The following GLRA2 variants were observed in gnomAD, a reference collection of about 807,000 sequenced individuals.
The protein encoded by GLRA2 is glycine receptor subunit alpha-2.
In GLRA2, 11 loss-of-function variants were observed where a neutral mutation model predicts 31.6. The observed-to-expected ratio is 0.35, with a 90% CI of 0.22 to 0.58. The LOEUF (loss-of-function observed/expected upper bound fraction) is 0.58, where lower values mean the gene tolerates loss of function less well. GLRA2 is among the 20% of genes least tolerant of loss of function. The pLI is 0.84. For synonymous variants in GLRA2, 132 were observed against 134.0 expected, an observed-to-expected ratio of 0.99 and a Z score of 0.10; for missense variants, 212 against 351.8, an observed-to-expected ratio of 0.60 and a Z score of 3.18.
intron 7 of GLRA2, among the ~76,000 whole-genome samples, chrX:14,634,022 C>T (rs2090681857): frequency 8.9e-6 from 1 of 111,769 alleles, no homozygotes; most frequent in Non-Finnish European, 1.9e-5. Context: ...GATCTTGGCT[C>T]ACTGCAACCT....
chrX:14,495,965 A>G, the GLRA2 span, among the ~76,000 whole-genome samples: 4 of 111,401 alleles, frequency 3.6e-5, no homozygotes, highest in African/African-American at 1.3e-4. Flanking sequence ...CAGATAATCC[A>G]AGAGAATTGT....
At chrX:14,561,397 C>G (rs1196764922) in intron 2 of GLRA2, among the ~76,000 whole-genome samples, 1 of 112,457 alleles carries the variant, frequency 8.9e-6, no homozygotes, top group Non-Finnish European at 1.9e-5. Flanking sequence ...GCAAAGTTGG[C>G]TTACAGACCG....
chrX:14,665,575 G>T (rs925515265), intron 7 of GLRA2, among the ~76,000 whole-genome samples: 1 of 111,569 alleles, frequency 9.0e-6, no homozygotes, highest in Non-Finnish European at 1.9e-5. Context: ...TGGTGGAGGG[G>T]ATGTATAGTC....
chrX:14,711,943 C>T (rs1381867209), intron 8 of GLRA2, among the ~76,000 whole-genome samples: 1 of 112,712 alleles, frequency 8.9e-6, no homozygotes, highest in African/African-American at 3.2e-5. Context: ...GAGTGAGTTT[C>T]TGTCCTTTGT....
chrX:14,491,630 T>C, the GLRA2 span, among the ~76,000 whole-genome samples: 1 of 111,816 alleles, frequency 8.9e-6, no homozygotes. Context: ...GAAAATGTTG[T>C]CTGGGCATCA....
At chrX:14,627,316 A>G (rs2147115327) in intron 7 of GLRA2, among the ~76,000 whole-genome samples, 1 of 111,261 alleles carries the variant, frequency 9.0e-6, no homozygotes, top group African/African-American at 3.3e-5. Context: ...TCTCAACCCT[A>G]TAAGATAGAT....
intron 7 of GLRA2, among the ~76,000 whole-genome samples, chrX:14,656,033 C>T (rs1040288613): frequency 4.5e-5 from 5 of 111,913 alleles, no homozygotes; most frequent in Admixed American, 9.5e-5. Flanking sequence ...GATCTCAGTC[C>T]CTGTCCCAGA....
At chrX:14,477,602 C>T in the GLRA2 span, among the ~76,000 whole-genome samples, 1 of 111,472 alleles carries the variant, frequency 9.0e-6, no homozygotes, top group African/African-American at 3.3e-5. Flanking sequence ...CCTTGTGTAA[C>T]GGTGCAACTT....
chrX:14,601,026 CT>C (rs1449491285), intron 4 of GLRA2, among the ~76,000 whole-genome samples: 2 of 106,617 alleles, frequency 1.9e-5, no homozygotes, highest in African/African-American at 6.7e-5. Flanking sequence ...TGTTTGTTTA[CT>C]TTTTTTTGGT....
At chrX:14,485,184 T>G in the GLRA2 span, among the ~76,000 whole-genome samples, 1 of 112,167 alleles carries the variant, frequency 8.9e-6, no homozygotes, top group Non-Finnish European at 1.9e-5. Context: ...CAAGCATAAC[T>G]CAGAATCATC....
chrX:14,728,754 G>A (rs1185965716), intron 8 of GLRA2, among the ~76,000 whole-genome samples: 1 of 112,200 alleles, frequency 8.9e-6, no homozygotes, highest in Non-Finnish European at 1.9e-5. Flanking sequence ...AAAGGGAGGT[G>A]GCACCTGGGT....
At chrX:14,553,579 G>T (rs2089597756) in intron 2 of GLRA2, among the ~76,000 whole-genome samples, 1 of 111,398 alleles carries the variant, frequency 9.0e-6, no homozygotes, top group African/African-American at 3.3e-5. Flanking sequence ...CAAGGCATCA[G>T]TGTCTGTGTC....
chrX:14,681,910 A>ATATATATATATATATATATATAT (rs1556060453), intron 7 of GLRA2, among the ~76,000 whole-genome samples: 3 of 41,272 alleles, frequency 7.3e-5, no homozygotes, highest in East Asian at 3.9e-4. Context: ...AAAAAAAAAA[A>ATATATATATATATATATATATAT]ATATATATAT....
the GLRA2 span, among the ~76,000 whole-genome samples, chrX:14,490,805 T>C: frequency 1.8e-5 from 2 of 111,941 alleles, no homozygotes; most frequent in Admixed American, 9.4e-5. Context: ...GGAAAAACTT[T>C]ATTGCCTTCT....
intron 7 of GLRA2, among the ~76,000 whole-genome samples, chrX:14,684,789 T>A (rs1264263552): frequency 9.0e-6 from 1 of 111,633 alleles, no homozygotes; most frequent in African/African-American, 3.3e-5. Context: ...CCTCTTTTCC[T>A]AATTGAAAGC....
At chrX:14,691,292 T>A (rs1357818521) in intron 8 of GLRA2, among the ~76,000 whole-genome samples, 3 of 101,644 alleles carry the variant, frequency 3.0e-5, no homozygotes, top group African/African-American at 7.7e-5. Flanking sequence ...TGTGTGTGTG[T>A]GTGTGTGTGT....
At chrX:14,684,083 C>T (rs1028123916) in intron 7 of GLRA2, among the ~76,000 whole-genome samples, 4 of 111,130 alleles carry the variant, frequency 3.6e-5, no homozygotes, top group African/African-American at 1.3e-4. Context: ...ATCCTTTCCC[C>T]TTTTCTTGTT....
chrX:14,587,164 G>A (rs2090089315), intron 4 of GLRA2, among the ~76,000 whole-genome samples: 1 of 112,273 alleles, frequency 8.9e-6, no homozygotes, highest in African/African-American at 3.2e-5. Flanking sequence ...GTATTCTATG[G>A]TATATATGTA....
At chrX:14,658,330 G>A (rs941286828) in intron 7 of GLRA2, among the ~76,000 whole-genome samples, 2 of 111,674 alleles carry the variant, frequency 1.8e-5, no homozygotes, top group African/African-American at 6.5e-5. Context: ...CAATAAAATG[G>A]TTTTATTCAA....
Sources: gnomAD v4.1 joint callset for allele counts (sites outside exome capture counted in the v4.1 genomes callset) on GRCh38, gnomAD v4.1.1 for gene constraint, MANE v1.5 for transcripts, NCBI Gene and HGNC (gene_info 2026-07-23, HGNC 2026-07-21) for gene names.